Variants in ATPAF2 observed in about 807,000 individuals in gnomAD.
ATPAF2 encodes ATP12 homolog.
A neutral mutation model predicts 36.6 loss-of-function variants in ATPAF2; 30 were observed. That is an observed-to-expected ratio of 0.82 (90% CI 0.61 to 1.11). The LOEUF is 1.11. Ranked by LOEUF, ATPAF2 falls within the 50% of genes most tolerant of loss-of-function variation. The pLI is 0.00. For synonymous variants in ATPAF2, 140 were observed against 152.6 expected (o/e 0.92, Z 0.61); for missense variants, 321 against 372.3 (o/e 0.86, Z 1.13).
intron 1 of ATPAF2, among the ~76,000 whole-genome samples, chr17:18,037,216 T>C (rs776122363): frequency 1.3e-5 from 2 of 152,210 alleles, no homozygotes; most frequent in Non-Finnish European, 2.9e-5. Context: ...TCATGGCCCA[T>C]TTCCAGGCCC....
At position 18,021,197 on chromosome 17, in the gene ATPAF2, T is replaced by C; in HGVS notation, c.658A>G (p.Thr220Ala). 6.2e-7 allele frequency: 1 copy of C among 1,613,932 alleles called. No homozygotes were observed. Among genetic ancestry groups the C allele is most frequent in the East Asian group, 2.2e-5 (1 of 44,868 alleles). ...VAAQLKSMVL[T>A]LGLIDLRLTV... is the part of the protein sequence containing the mutation. ...AGGCGCAGGTCAATCAGGCCCAAGG[T>C]TAGCACCATGGACTTGAGCTGGGCA... is the stretch of plus-strand genomic sequence containing the variant. Residue 220 changes from threonine (T) to alanine (A), a missense_variant, in exon 7 of 8, where the codon ACC (threonine) becomes GCC (alanine). Coordinates refer to ENST00000474627, the MANE Select transcript of ATPAF2 (RefSeq NM_145691.4).
Position 18,026,434 on chromosome 17 carries a change from A to C in ATPAF2, c.325-18T>G. 6.2e-7 allele frequency: 1 copy of C among 1,606,634 alleles called. No individual in the cohort carries two copies. Among genetic ancestry groups the C allele is most frequent in the Non-Finnish European group, 8.5e-7 (1 of 1,173,274 alleles). On this transcript the variant is annotated intron_variant, in intron 3 of 7. Coordinates refer to ENST00000474627, the MANE Select transcript of ATPAF2 (RefSeq NM_145691.4). ...AATGTGGTCTGAATCAAAGGCAAAAACCACCCTGTCACTGCCTGCGGGGCT... is the reference window on the plus strand; with the variant it reads ...AATGTGGTCTGAATCAAAGGCAAAACCCACCCTGTCACTGCCTGCGGGGCT...
At chr17:18,028,819 G>A (rs568579287) in intron 1 of ATPAF2, among the ~76,000 whole-genome samples, 160 bp from the exon 2 acceptor site, 5 of 152,266 alleles carry the variant, frequency 3.3e-5, no homozygotes, top group South Asian at 2.1e-4. Context: ...ATAATCAACC[G>A]CTTCTGATTA....
chr17:18,035,898 A>T (rs1478596662), intron 1 of ATPAF2, among the ~76,000 whole-genome samples: 1 of 152,232 alleles, frequency 6.6e-6, no homozygotes, highest in Non-Finnish European at 1.5e-5. Context: ...ACAACTGGTA[A>T]ATAGCAGAGA....
intron 3 of ATPAF2, among the ~76,000 whole-genome samples, chr17:18,027,644 C>G (rs1219021398): frequency 1.3e-5 from 2 of 152,164 alleles, no homozygotes; most frequent in African/African-American, 4.8e-5. Context: ...TAGCTGGGCC[C>G]TTCCTTCCCC....
rs1328201430 is a variant in ATPAF2, at chr17:18,022,781, A to T, written c.504-924T>A. On this transcript the variant is annotated intron_variant, in intron 5 of 7. Coordinates refer to ENST00000474627, the MANE Select transcript of ATPAF2 (RefSeq NM_145691.4). The stretch of plus-strand genomic sequence containing the variant: ...AAAAACACAATGGGGGATAAAAATA[A>T]TTTTTGTAATTTTCTTCCATATATC... Among the ~76,000 whole-genome samples the T allele has an allele frequency of 2.0e-5, 3 of 151,976 alleles. No homozygotes were observed. In the East Asian group the frequency reaches 5.8e-4, roughly 29 times the overall value.
chr17:18,015,803 A>C (rs940055556), downstream of ATPAF2: 2 of 377,372 alleles, frequency 5.3e-6, no homozygotes, highest in African/African-American at 4.0e-5. Flanking sequence ...CCCTGGAGGA[A>C]ACATGCTTCC....
At chr17:18,021,674 G>T (rs2044470402) in intron 6 of ATPAF2, 71 bp downstream of exon 6, 3 of 1,330,562 alleles carry the variant, frequency 2.3e-6, no homozygotes, top group Non-Finnish European at 3.2e-6. Flanking sequence ...CTGGGGAGGG[G>T]CAAGTACAGG....
chr17:18,029,303 CT>C (rs2044593452), intron 1 of ATPAF2, among the ~76,000 whole-genome samples: 1 of 152,188 alleles, frequency 6.6e-6, no homozygotes, highest in Admixed American at 6.5e-5. Context: ...AAACAGTCTC[CT>C]TCTTTTACCC....
chr17:18,021,596 G>C (rs904339276), intron 6 of ATPAF2, 149 bp downstream of exon 6: 1 of 768,944 alleles, frequency 1.3e-6, no homozygotes, highest in Non-Finnish European at 2.3e-6. Flanking sequence ...TGATTGGCTA[G>C]CATCAGAGCC....
At chr17:18,016,059 A>G (rs201011676), downstream of ATPAF2, 1,959 of 1,613,148 alleles carry the variant, frequency 1.2e-3, 1 homozygote, top group Non-Finnish European at 1.5e-3. Context: ...CTTTTCACTC[A>G]CCAGCTTTTT....
chr17:18,024,570 C>T (rs1341539411), intron 5 of ATPAF2, 54 bp downstream of exon 5: 20 of 1,497,348 alleles, frequency 1.3e-5, no homozygotes, highest in Non-Finnish European at 1.8e-5. Context: ...GACCCCTACA[C>T]TCCACCAAAC....
At position 18,038,954 on chromosome 17, in the gene ATPAF2, C is replaced by T. The variant is rs750542423; in HGVS notation, c.60G>A (p.Ala20=). ...GACTCATAGAAGCGCTGGGGCCACC[C>T]GCCGGCCGATTCAGGAGACGGCGTC... ...DGGRRLLNRP[A]GGPSASMSPG... The change falls in exon 1 of 8, where the codon GCG becomes GCA. Residue 20 remains alanine, a synonymous_variant. Coordinates refer to ENST00000474627, the MANE Select transcript of ATPAF2 (RefSeq NM_145691.4). 4 of 1,612,826 alleles carry T rather than the reference C, an allele frequency of 2.5e-6. No individual in the cohort carries two copies. The highest frequency in any genetic ancestry group is 3.3e-5 in the Admixed American group (2 of 59,852).
At chr17:18,023,228 C>A (rs975031037) in intron 5 of ATPAF2, among the ~76,000 whole-genome samples, 1 of 151,128 alleles carries the variant, frequency 6.6e-6, no homozygotes, top group African/African-American at 2.4e-5. Flanking sequence ...GTCAGGAGTT[C>A]GAGACCAGCC....
At chr17:18,030,047 G>A (rs921074415) in intron 1 of ATPAF2, among the ~76,000 whole-genome samples, 40 of 151,782 alleles carry the variant, frequency 2.6e-4, no homozygotes, top group Non-Finnish European at 4.0e-4. Flanking sequence ...GAGGCCGGGC[G>A]CAGTGGCTCA....
intron 4 of ATPAF2, 152 bp from the exon 5 acceptor site, chr17:18,024,856 A>G (rs2044522093): frequency 1.4e-6 from 1 of 701,370 alleles, no homozygotes. Context: ...TGGTTCTCAA[A>G]GTGTGGCCCT....
At chr17:18,016,768 T>G, downstream of ATPAF2, 1 of 675,682 alleles carries the variant, frequency 1.5e-6, no homozygotes, top group Non-Finnish European at 2.5e-6. Flanking sequence ...AGAGAGTTGC[T>G]GGGCATCTCT....
intron 1 of ATPAF2, among the ~76,000 whole-genome samples, chr17:18,030,712 C>G (rs28555361): frequency 0.44 from 61,671 of 141,644 alleles, 14,895 homozygotes; most frequent in East Asian, 0.9. Flanking sequence ...CTGTTGCCCA[C>G]GCTGGAGTGC....
intron 1 of ATPAF2, among the ~76,000 whole-genome samples, chr17:18,030,875 G>C (rs1447964301): frequency 8.4e-6 from 1 of 118,772 alleles, no homozygotes; most frequent in African/African-American, 3.3e-5. Context: ...GGGTTTCACC[G>C]TGTTAGCCAG....
Sources: gnomAD v4.1 joint callset for allele counts (sites outside exome capture counted in the v4.1 genomes callset) on GRCh38, gnomAD v4.1.1 for gene constraint, MANE v1.5 for transcripts, NCBI Gene and HGNC (gene_info 2026-07-23, HGNC 2026-07-21) for gene names.